The following MPPED2 variants were observed in gnomAD, a reference collection of about 807,000 sequenced individuals.
The protein encoded by MPPED2 is metallophosphoesterase MPPED2.
Under a neutral mutation model 33.0 loss-of-function variants are expected in MPPED2, and 5 were observed. The observed-to-expected ratio is 0.15, with a 90% CI of 0.08 to 0.32. MPPED2 has a LOEUF of 0.32. Among genes scored for constraint, MPPED2 ranks in the 10% least tolerant of loss-of-function variants. The pLI is 1.00. For synonymous variants in MPPED2, 136 were observed against 141.9 expected, an observed-to-expected ratio of 0.96 and a Z score of 0.29; for missense variants, 275 against 372.1, an observed-to-expected ratio of 0.74 and a Z score of 2.15.
rs191772558 is a variant in MPPED2 at position 30,410,280 on chromosome 11, A to C, written c.*1188T>G. 1 of 985,460 alleles carries C rather than the reference A, an allele frequency of 1.0e-6. No homozygotes were observed. The highest frequency in any genetic ancestry group is 1.1e-4 in the East Asian group (1 of 8,814). The allele number at this position is 985,460 out of a possible 1,614,324, so 61.0% of individuals were successfully genotyped here. On this transcript the variant is annotated 3_prime_UTR_variant, in exon 7 of 7. Transcript: ENST00000358117. ...AAGGCCGCTAGATATAGAATATCAC[A>C]ATAAATTTAAAGAAACAACTGCTTT...
intron 2 of MPPED2, among the ~76,000 whole-genome samples, chr11:30,548,805 C>T (rs1955565082): frequency 6.6e-6 from 1 of 152,118 alleles, no homozygotes; most frequent in Admixed American, 6.5e-5. Context: ...GCCAAATTTA[C>T]AAAGAGGTTA....
chr11:30,502,725 G>C (rs1455198911), intron 3 of MPPED2, among the ~76,000 whole-genome samples: 1 of 152,184 alleles, frequency 6.6e-6, no homozygotes, highest in African/African-American at 2.4e-5. Context: ...GCTGAACTAG[G>C]TGGAAGATAA....
intron 2 of MPPED2, among the ~76,000 whole-genome samples, chr11:30,563,408 G>C (rs1956315081): frequency 1.3e-5 from 2 of 152,290 alleles, no homozygotes; most frequent in South Asian, 4.1e-4. Flanking sequence ...TGTCGCAGCT[G>C]ATCTGACAGG....
At chr11:30,400,177 A>G (rs1306927835) in intron 6 of MPPED2, among the ~76,000 whole-genome samples, 1 of 152,130 alleles carries the variant, frequency 6.6e-6, no homozygotes, top group Non-Finnish European at 1.5e-5. Context: ...CTCCTGCATC[A>G]GCCTCCTAAT....
intron 4 of MPPED2, among the ~76,000 whole-genome samples, chr11:30,421,429 A>T (rs1454295924): frequency 3.9e-5 from 6 of 151,958 alleles, no homozygotes; most frequent in African/African-American, 1.5e-4. Flanking sequence ...TTTTATTTCA[A>T]CTCAGATCCA....
At position 30,458,374 on chromosome 11, in the gene MPPED2, T is replaced by C. The variant is rs181628304; in HGVS notation, c.536+36922A>G. On this transcript the variant is annotated intron_variant, in intron 4 of 6. Transcript: ENST00000358117. The stretch of plus-strand genomic sequence containing the variant: ...ACCAGTAATTGAACCATGTATATAA[T>C]TGGAGTCTCCCTAAGTTTCACATCA... 2.0e-5 allele frequency among the ~76,000 whole-genome samples: 3 copies of C among 152,298 alleles called. No individual in the cohort carries two copies. In the East Asian group the frequency reaches 5.8e-4, roughly 29 times the overall value.
At chr11:30,431,770 T>C (rs1187283155) in intron 4 of MPPED2, among the ~76,000 whole-genome samples, 1 of 152,226 alleles carries the variant, frequency 6.6e-6, no homozygotes, top group Non-Finnish European at 1.5e-5. Flanking sequence ...GATGAAATTA[T>C]AAATGTTCTA....
At chr11:30,519,750 C>A (rs1482058092) in intron 3 of MPPED2, among the ~76,000 whole-genome samples, 2 of 152,048 alleles carry the variant, frequency 1.3e-5, no homozygotes, top group African/African-American at 4.8e-5. Flanking sequence ...CTACTAGTAA[C>A]CCCAGTACTA....
At chr11:30,532,929 T>C (rs559519) in intron 3 of MPPED2, among the ~76,000 whole-genome samples, 131,949 of 152,222 alleles carry the variant, frequency 0.87, 57,549 homozygotes, top group African/African-American at 0.93. Context: ...GGCCTTGCAG[T>C]TGCTAAGTCA....
chr11:30,499,571 A>G (rs1952460671), intron 3 of MPPED2, among the ~76,000 whole-genome samples: 1 of 151,984 alleles, frequency 6.6e-6, no homozygotes, highest in Non-Finnish European at 1.5e-5. Context: ...TCTCTTTGAT[A>G]TTTTGGGCCT....
At chr11:30,583,573 C>G (rs768944945) in intron 1 of MPPED2, among the ~76,000 whole-genome samples, 53 of 152,152 alleles carry the variant, frequency 3.5e-4, no homozygotes, top group Non-Finnish European at 7.2e-4. Context: ...ATTTCCTAGA[C>G]AGCAATCACT....
chr11:30,424,184 A>T (rs1375127633), intron 4 of MPPED2, among the ~76,000 whole-genome samples: 1 of 152,180 alleles, frequency 6.6e-6, no homozygotes, highest in Non-Finnish European at 1.5e-5. Context: ...AAATTGGGGA[A>T]GTTCAGACAA....
chr11:30,585,638 T>A (rs2134981742), intron 1 of MPPED2, among the ~76,000 whole-genome samples: 1 of 151,326 alleles, frequency 6.6e-6, no homozygotes, highest in Non-Finnish European at 1.5e-5. Context: ...CCCCCTCCTC[T>A]CCTCCTAAGA....
intron 2 of MPPED2, among the ~76,000 whole-genome samples, chr11:30,552,965 T>C (rs1161574754): frequency 6.6e-6 from 1 of 152,158 alleles, no homozygotes; most frequent in Non-Finnish European, 1.5e-5. Flanking sequence ...CCAGTAGTTC[T>C]GGTCAACAAT....
intron 4 of MPPED2, among the ~76,000 whole-genome samples, chr11:30,476,839 G>T (rs563545): frequency 6.6e-6 from 1 of 151,904 alleles, no homozygotes; most frequent in Non-Finnish European, 1.5e-5. Flanking sequence ...AATTTAGGGA[G>T]AACTGAGCAG....
chr11:30,499,414 T>C (rs1413420772), intron 3 of MPPED2, among the ~76,000 whole-genome samples: 1 of 152,230 alleles, frequency 6.6e-6, no homozygotes, highest in Admixed American at 6.5e-5. Flanking sequence ...ACATTTTCAC[T>C]GAGTGTCATG....
intron 4 of MPPED2, among the ~76,000 whole-genome samples, chr11:30,471,563 C>T (rs918933667): frequency 6.6e-6 from 1 of 152,180 alleles, no homozygotes; most frequent in Non-Finnish European, 1.5e-5. Context: ...GGGTGCTCAT[C>T]ATGTCTGTCT....
chr11:30,395,701 A>G (rs1021809818), intron 6 of MPPED2, among the ~76,000 whole-genome samples: 5 of 152,218 alleles, frequency 3.3e-5, no homozygotes, highest in African/African-American at 9.6e-5. Context: ...GTAGATTGTC[A>G]CACTGGCTAC....
intron 2 of MPPED2, among the ~76,000 whole-genome samples, chr11:30,568,914 G>A (rs1173020291): frequency 6.6e-6 from 1 of 151,958 alleles, no homozygotes; most frequent in Non-Finnish European, 1.5e-5. Context: ...CTCCCAAAAG[G>A]GCTCATTTTT....
Sources: gnomAD v4.1 joint callset for allele counts (sites outside exome capture counted in the v4.1 genomes callset) on GRCh38, gnomAD v4.1.1 for gene constraint, MANE v1.5 for transcripts, NCBI Gene and HGNC (gene_info 2026-07-23, HGNC 2026-07-21) for gene names.